The following CDH11 variants were observed in gnomAD, a reference collection of about 807,000 sequenced individuals.
CDH11 encodes cadherin-11.
A neutral mutation model predicts 67.8 loss-of-function variants in CDH11; 11 were observed. That is an observed-to-expected ratio of 0.16 (90% CI 0.10 to 0.27). The LOEUF (loss-of-function observed/expected upper bound fraction) is 0.27, where lower values mean the gene tolerates loss of function less well. Ranked by LOEUF, CDH11 falls within the 10% of genes least tolerant of loss-of-function variation. The probability of loss-of-function intolerance (pLI) is 1.00; values close to 1 mark genes in which losing one functional copy is unlikely to be tolerated. For missense variants in CDH11, 847 were observed against 1,031.2 expected (o/e 0.82, Z 2.45); for synonymous variants, 419 against 400.0 (o/e 1.05, Z -0.57).
intron 1 of CDH11, among the ~76,000 whole-genome samples, chr16:65,105,253 A>AG (rs2075049100): frequency 6.6e-6 from 1 of 152,102 alleles, no homozygotes; most frequent in African/African-American, 2.4e-5. Context: ...TGTTTTTGTG[A>AG]GGGGCCCAGA....
Position 64,950,851 on chromosome 16 carries a change from A to C in CDH11, c.1810T>G (p.Cys604Gly), listed in dbSNP as rs1259936776. 1 of 1,614,206 alleles carries C rather than the reference A, an allele frequency of 6.2e-7. No individual in the cohort carries two copies. ...TTCAGAATGTAGGCCTCTGCGTTGC[A>C]GGAGAGCAGTGCCCCGTTCACGTCG... ...GCDVNGALLSCNAEAYILNAG... is the reference protein window; with the variant it reads ...GCDVNGALLSGNAEAYILNAG... Residue 604 changes from cysteine (C) to glycine (G), a missense_variant, in exon 12 of 13, where the codon TGC becomes GGC. Transcript: ENST00000268603.
At chr16:65,005,749 G>A (rs1273495585) in intron 2 of CDH11, among the ~76,000 whole-genome samples, 2 of 152,170 alleles carry the variant, frequency 1.3e-5, no homozygotes, top group East Asian at 1.9e-4. Context: ...ATCCATCCAC[G>A]AAGCCAAAGA....
chr16:64,944,570 A>T lies in CDH11; in HGVS notation c.*3033T>A, dbSNP rs561003934. On this transcript the variant is annotated 3_prime_UTR_variant, in exon 13 of 13. Coordinates refer to ENST00000268603, the MANE Select transcript of CDH11 (RefSeq NM_001797.4). ...AAAGTTTCTCAAAAAGATGTGAAGG[A>T]TATGTCACAATGACCCAGGAGCAGT... The T allele has an allele frequency of 5.6e-5, 13 of 232,622 alleles. No homozygotes were observed. The East Asian group carries it at 7.9e-4, about 14-fold the overall frequency. The allele number at this position is 232,622 out of a possible 1,614,324, so 14.4% of individuals were successfully genotyped here.
At chr16:65,083,716 AGACATCAGGGGTGGCT>A (rs2074649499) in intron 1 of CDH11, among the ~76,000 whole-genome samples, 1 of 152,244 alleles carries the variant, frequency 6.6e-6, no homozygotes, top group South Asian at 2.1e-4. Context: ...TCTAATCATC[AGACATCAGGGGTGGCT>A]GACATCACAA....
At chr16:65,022,223 C>A (rs1012812367) in intron 2 of CDH11, among the ~76,000 whole-genome samples, 2 of 136,838 alleles carry the variant, frequency 1.5e-5, no homozygotes, top group African/African-American at 5.5e-5. Flanking sequence ...TTCTTGCAAT[C>A]TTACTGAAAG....
chr16:64,947,538 A>G lies in CDH11; in HGVS notation c.*65T>C. 2.6e-6 allele frequency: 4 copies of G among 1,532,326 alleles called. No homozygotes were observed. The highest frequency in any genetic ancestry group is 3.5e-6 in the Non-Finnish European group (4 of 1,142,452). The allele number at this position is 1,532,326 out of a possible 1,614,324, so 94.9% of individuals were successfully genotyped here. On this transcript the variant is annotated 3_prime_UTR_variant, in exon 13 of 13. Transcript: ENST00000268603. The stretch of plus-strand genomic sequence containing the variant: ...CCTTGATTTAAAAAAATACCTGTTT[A>G]CACATCTTCTAGATTCTTGAGAACG...
intron 2 of CDH11, among the ~76,000 whole-genome samples, chr16:65,052,834 G>A (rs2074080808): frequency 6.6e-6 from 1 of 152,028 alleles, no homozygotes. Context: ...GTGGCAATAG[G>A]GATAGAGAGA....
intron 2 of CDH11, among the ~76,000 whole-genome samples, chr16:65,046,315 G>A (rs147511355): frequency 6.6e-6 from 1 of 152,296 alleles, no homozygotes; most frequent in Non-Finnish European, 1.5e-5. Flanking sequence ...GGCAAGTGTG[G>A]AGAGCATGCT....
rs984900770 is a variant in CDH11, at chr16:64,944,744, A to C, written c.*2859T>G. On this transcript the variant is annotated 3_prime_UTR_variant, in exon 13 of 13. Coordinates refer to ENST00000268603, the MANE Select transcript of CDH11 (RefSeq NM_001797.4). ...GGCCTAAAAGAAATAACTTAGCTAAACCCAAGATCTGTCCAGAATTGCCAC... is the reference window on the plus strand; with the variant it reads ...GGCCTAAAAGAAATAACTTAGCTAACCCCAAGATCTGTCCAGAATTGCCAC... 2 of 231,130 alleles carry C rather than the reference A, an allele frequency of 8.7e-6. No individual in the cohort carries two copies. Among genetic ancestry groups the C allele is most frequent in the Non-Finnish European group, 1.7e-5 (2 of 116,788 alleles). 14.3% of individuals were successfully genotyped at this position (231,130 alleles called of 1,614,324 possible).
chr16:64,956,817 T>C (rs1467834764), intron 11 of CDH11, among the ~76,000 whole-genome samples: 2 of 152,108 alleles, frequency 1.3e-5, no homozygotes, highest in African/African-American at 2.4e-5. Context: ...ATGATCTCCA[T>C]GGTACCAGTT....
intron 2 of CDH11, among the ~76,000 whole-genome samples, chr16:65,048,932 C>G (rs2074009960): frequency 6.6e-6 from 1 of 151,858 alleles, no homozygotes; most frequent in Non-Finnish European, 1.5e-5. Flanking sequence ...GGCTATTATC[C>G]TAAGTGAAAA....
chr16:64,982,125 G>T lies in CDH11; in HGVS notation c.1176C>A (p.Val392=), dbSNP rs2142459054. The change falls in exon 8 of 13, where the codon GTC becomes GTA. Residue 392 remains valine (V), a synonymous_variant. Coordinates refer to ENST00000268603, the MANE Select transcript of CDH11 (RefSeq NM_001797.4). Reference sequence around the variant, plus strand: ...CGGTGCCAGCAGCTGCATTTTCTTGGACTTCGTGGATGTAACTTGGGGCCA... The same window carrying T: ...CGGTGCCAGCAGCTGCATTTTCTTGTACTTCGTGGATGTAACTTGGGGCCA... ...MFLAPSYIHE[V]QENAAAGTVV... The T allele has an allele frequency of 6.2e-7, 1 of 1,614,036 alleles. No homozygotes were observed. Among genetic ancestry groups the T allele is most frequent in the Non-Finnish European group, 8.5e-7 (1 of 1,179,964 alleles).
At chr16:64,948,647 G>A in intron 12 of CDH11, 1 of 1,611,960 alleles carries the variant, frequency 6.2e-7, no homozygotes. Context: ...ACCACATAGA[G>A]GAAAGGAAGT....
In CDH11 at chr16:65,054,154, C is replaced by T. The variant is rs187232145; in HGVS notation, c.-297-226G>A. ...AGTGTGATTAACCATACATGCGTTT[C>T]GTACTTTGATGACAATGATAAAAGC... On this transcript the variant is annotated intron_variant, in intron 1 of 12. Coordinates refer to ENST00000268603, the MANE Select transcript of CDH11 (RefSeq NM_001797.4). Among the ~76,000 whole-genome samples the T allele has an allele frequency of 5.3e-5, 8 of 152,284 alleles. No individual in the cohort carries two copies. In the East Asian group the frequency reaches 5.8e-4, roughly 11 times the overall value.
chr16:65,075,816 A>G (rs1194730784), intron 1 of CDH11, among the ~76,000 whole-genome samples: 1 of 152,218 alleles, frequency 6.6e-6, no homozygotes, highest in Non-Finnish European at 1.5e-5. Flanking sequence ...GGAAGTAGTT[A>G]AACCTCTCTT....
At chr16:64,987,672 G>C (rs2142478956) in intron 7 of CDH11, 1 of 152,518 alleles carries the variant, frequency 6.6e-6, no homozygotes, top group South Asian at 2.1e-4. Context: ...CATTATTGTT[G>C]CTTCTCCAGG....
At chr16:64,968,543 T>TGCC (rs1192925028) in intron 11 of CDH11, 1 of 985,316 alleles carries the variant, frequency 1.0e-6, no homozygotes, top group African/African-American at 1.7e-5. Context: ...ATTTTCCTGC[T>TGCC]GCCTGCTGAG....
chr16:64,991,476 A>T (rs968831209), intron 6 of CDH11: 1 of 331,288 alleles, frequency 3.0e-6, no homozygotes, highest in Non-Finnish European at 5.7e-6. Context: ...GGGTTAATTA[A>T]TTACTAGATT....
chr16:65,104,635 T>C (rs2075040452), intron 1 of CDH11, among the ~76,000 whole-genome samples: 1 of 152,222 alleles, frequency 6.6e-6, no homozygotes, highest in Non-Finnish European at 1.5e-5. Flanking sequence ...TAAACCCCTT[T>C]GGCACTGCGC....
Sources: allele counts gnomAD v4.1 joint callset (sites outside exome capture counted in the v4.1 genomes callset), GRCh38; gene constraint gnomAD v4.1.1; transcripts MANE v1.5; gene names NCBI Gene and HGNC (gene_info 2026-07-23, HGNC 2026-07-21).